Variants in KCNAB2 observed in about 807,000 individuals in gnomAD.
KCNAB2 encodes the protein potassium voltage-gated channel subfamily A regulatory beta subunit 2, also known as voltage-gated potassium channel subunit beta-2.
In KCNAB2, 29 loss-of-function variants were observed where a neutral mutation model predicts 63.6. The observed-to-expected ratio is 0.46, with a 90% CI of 0.34 to 0.62. The LOEUF (loss-of-function observed/expected upper bound fraction) is 0.62, where lower values mean the gene tolerates loss of function less well. Ranked by LOEUF, KCNAB2 falls within the 20% of genes least tolerant of loss-of-function variation. KCNAB2 has a pLI of 0.01. For missense variants in KCNAB2, 359 were observed against 563.9 expected (o/e 0.64, Z 3.68); for synonymous variants, 222 against 224.2 (o/e 0.99, Z 0.09).
intron 9 of KCNAB2, among the ~76,000 whole-genome samples, chr1:6,090,906 A>AGAG (rs1324796449): frequency 6.6e-6 from 1 of 152,164 alleles, no homozygotes; most frequent in African/African-American, 2.4e-5. Flanking sequence ...ATTACTACAT[A>AGAG]GAGGAGAAGA....
At chr1:6,058,778 G>A (rs564278540) in intron 2 of KCNAB2, among the ~76,000 whole-genome samples, 12 of 152,354 alleles carry the variant, frequency 7.9e-5, no homozygotes, top group Admixed American at 3.3e-4. Flanking sequence ...CAGTCATTCC[G>A]GAAGAGCTGC....
At chr1:6,041,643 G>C (rs968215258), upstream of KCNAB2, 6 of 590,544 alleles carry the variant, frequency 1.0e-5, no homozygotes, top group African/African-American at 1.1e-4. Flanking sequence ...GGGTGGCGCT[G>C]CTGCAGAGCA....
chr1:6,020,811 T>C (rs1474650614), intron 1 of KCNAB2, among the ~76,000 whole-genome samples: 1 of 152,146 alleles, frequency 6.6e-6, no homozygotes, highest in Non-Finnish European at 1.5e-5. Context: ...GGATTACAAG[T>C]GCCCACCACC....
chr1:6,051,565 T>C lies in KCNAB2; in HGVS notation c.29T>C (p.Leu10Pro). ...CTGTCCATGACGTACAGCGAGAGTCTGCGGAGCGTGAGCAGCAGGTGCCAC... is the reference window on the plus strand; with the variant it reads ...CTGTCCATGACGTACAGCGAGAGTCCGCGGAGCGTGAGCAGCAGGTGCCAC... MLSMTYSES[L>P]RSVSSRCHSE... Residue 10 changes from leucine (L) to proline (P), a missense_variant, in exon 2 of 16, where the codon CTG (leucine) becomes CCG (proline). Physicochemically the swap from Leu to Pro is moderately conservative, Grantham distance 98. Transcript: ENST00000378083. 6.5e-7 allele frequency: 1 copy of C among 1,533,610 alleles called. No individual in the cohort carries two copies. Among genetic ancestry groups the C allele is most frequent in the Non-Finnish European group, 8.7e-7 (1 of 1,145,316 alleles).
chr1:6,052,633 G>A (rs1661489012), intron 2 of KCNAB2, among the ~76,000 whole-genome samples: 1 of 152,122 alleles, frequency 6.6e-6, no homozygotes, highest in South Asian at 2.1e-4. Flanking sequence ...CGCTCTGCTA[G>A]CCACCGTTCT....
intron 4 of KCNAB2, among the ~76,000 whole-genome samples, chr1:6,076,779 T>C (rs879588367): frequency 1.3e-5 from 2 of 152,228 alleles, no homozygotes; most frequent in Non-Finnish European, 1.5e-5. Context: ...TCTCCTGAGC[T>C]TCCTTCTGAC....
chr1:6,038,560 C>T (rs186531834), intron 1 of KCNAB2, among the ~76,000 whole-genome samples: 93 of 152,252 alleles, frequency 6.1e-4, no homozygotes, highest in African/African-American at 2.0e-3. Flanking sequence ...AGCAATCCTC[C>T]TGCCTCGGCC....
chr1:6,096,184 C>G lies in KCNAB2; in HGVS notation c.949-452C>G. 2.2e-6 allele frequency: 1 copy of G among 457,718 alleles called. No homozygotes were observed. Among genetic ancestry groups the G allele is most frequent in the Admixed American group, 2.3e-5 (1 of 42,558 alleles). The allele number at this position is 457,718 out of a possible 1,614,324, so 28.4% of individuals were successfully genotyped here. On this transcript the variant is annotated intron_variant, in intron 13 of 15. Transcript: ENST00000378083. This position sits in a 1 kb window ranked among gnomAD's most constrained non-coding sequence, Gnocchi z 5.9. ...CAGGGCAACGTGGCCTGGCCCCCGA[C>G]TCCTCCCATCCCATGGCAAGGTCAG...
At chr1:6,019,273 C>T (rs1048591133) in intron 1 of KCNAB2, among the ~76,000 whole-genome samples, 1 of 152,164 alleles carries the variant, frequency 6.6e-6, no homozygotes, top group African/African-American at 2.4e-5. Flanking sequence ...GCCTGGGCAA[C>T]AGAGTAAGTT....
Position 6,098,528 on chromosome 1 carries a change from G to A in KCNAB2, c.1202G>A (p.Ser401Asn). 1 of 1,614,036 alleles carries A rather than the reference G, an allele frequency of 6.2e-7. No homozygotes were observed. Among genetic ancestry groups the A allele is most frequent in the Non-Finnish European group, 8.5e-7 (1 of 1,179,994 alleles). The change falls in exon 16 of 16, where the codon AGT becomes AAT. Residue 401 changes from serine (S) to asparagine (N), a missense_variant. Physicochemically the swap from Ser to Asn is conservative, Grantham distance 46. Around this residue, in one of 2 missense-constraint regions of KCNAB2, gnomAD observed 271 missense variants for 476.1 expected, o/e 0.57. Transcript: ENST00000378083. ...LSSSIIHEID[S>N]ILGNKPYSKK... ...TCTTCCATTATCCACGAGATTGATA[G>A]TATTTTGGGCAATAAACCCTACAGC...
intron 1 of KCNAB2, among the ~76,000 whole-genome samples, chr1:5,993,021 C>T (rs1469000547): frequency 6.6e-6 from 1 of 150,710 alleles, no homozygotes; most frequent in Non-Finnish European, 1.5e-5. Context: ...CCTTCCCTGT[C>T]CTCCCGCCCG....
rs1329357499 is a variant in KCNAB2 at position 6,074,821 on chromosome 1, A to AG, written c.300+1055dup. Among the ~76,000 whole-genome samples the AG allele has an allele frequency of 2.0e-5, 3 of 151,912 alleles. No homozygotes were observed. Among genetic ancestry groups the AG allele is most frequent in the Admixed American group, 6.6e-5 (1 of 15,232 alleles). ...AATACAAAAATTAGCTGGGCGTGGTAGGGGCGCCTGTAATCCCAGCTACTC... is the reference window on the plus strand; with the variant it reads ...AATACAAAAATTAGCTGGGCGTGGTAGGGGGCGCCTGTAATCCCAGCTACTC... On this transcript the variant is annotated intron_variant, in intron 4 of 15. Transcript: ENST00000378083. This position sits in a 1 kb window ranked among gnomAD's most constrained non-coding sequence, Gnocchi z 4.9.
At chr1:6,030,803 GGT>G (rs1284231501), upstream of KCNAB2, among the ~76,000 whole-genome samples, 5 of 138,178 alleles carry the variant, frequency 3.6e-5, no homozygotes, top group Admixed American at 1.4e-4. Context: ...TAGGTGTGTA[GGT>G]GTGTGTGTAT....
chr1:6,098,106 C>CG (rs1003965000), intron 15 of KCNAB2: 2 of 993,772 alleles, frequency 2.0e-6, no homozygotes, highest in African/African-American at 3.5e-5. Flanking sequence ...AGTCGGTCCC[C>CG]GGGTGTGTCA....
At chr1:6,014,802 C>T (rs191000720) in intron 1 of KCNAB2, among the ~76,000 whole-genome samples, 2 of 152,284 alleles carry the variant, frequency 1.3e-5, no homozygotes, top group Admixed American at 1.3e-4. Context: ...AGAGGCTAGG[C>T]TCGCAGGCAG....
rs1207481761 is a variant in KCNAB2, at chr1:6,086,719, G to T, written c.426-748G>T. Among the ~76,000 whole-genome samples, 1 of 152,146 alleles carries T rather than the reference G, an allele frequency of 6.6e-6. No homozygotes were observed. Among genetic ancestry groups the T allele is most frequent in the Admixed American group, 6.5e-5 (1 of 15,274 alleles). On this transcript the variant is annotated intron_variant, in intron 6 of 15. Transcript: ENST00000378083. The surrounding 1 kb of genome is among the most constrained non-coding windows in gnomAD (Gnocchi z 4.2). ...TGTCTCGTGTGGACTTAGAGCAGAA[G>T]AACGAATTACTTCCCTTTGCGCTGC...
At chr1:6,097,159 G>GC in intron 14 of KCNAB2, 110 bp from the exon 15 acceptor site, 2 of 1,279,520 alleles carry the variant, frequency 1.6e-6, no homozygotes, top group South Asian at 1.5e-5. Context: ...GACCCCCTCA[G>GC]ACCCCCAGAC....
At chr1:6,066,032 G>C (rs1438652442) in intron 2 of KCNAB2, among the ~76,000 whole-genome samples, 3 of 152,254 alleles carry the variant, frequency 2.0e-5, no homozygotes, top group Non-Finnish European at 2.9e-5. Flanking sequence ...GGGGACAGGG[G>C]ACGCAGCCAG....
intron 1 of KCNAB2, among the ~76,000 whole-genome samples, chr1:6,013,217 G>C (rs1329376102): frequency 6.6e-6 from 1 of 152,174 alleles, no homozygotes; most frequent in East Asian, 1.9e-4. Context: ...TTCCGGGCAT[G>C]AGGGATTCAG....
Sources: allele counts gnomAD v4.1 joint callset (sites outside exome capture counted in the v4.1 genomes callset), GRCh38; gene constraint gnomAD v4.1.1; regional missense constraint gnomAD v4.1.1; non-coding constraint Gnocchi (gnomAD v3.1); transcripts MANE v1.5; gene names NCBI Gene and HGNC (gene_info 2026-07-23, HGNC 2026-07-21).